ZBTB20: variants seen among roughly 807,000 people sequenced by gnomAD.
The protein encoded by ZBTB20 is zinc finger and BTB domain containing 20.
A neutral mutation model predicts 56.9 loss-of-function variants in ZBTB20; 9 were observed. The observed-to-expected ratio is 0.16, with a 90% CI of 0.10 to 0.28. The LOEUF (loss-of-function observed/expected upper bound fraction) is 0.28, where lower values mean the gene tolerates loss of function less well. Ranked by LOEUF, ZBTB20 falls within the 10% of genes least tolerant of loss-of-function variation. The probability of loss-of-function intolerance (pLI) is 1.00; values close to 1 mark genes in which losing one functional copy is unlikely to be tolerated. For synonymous variants in ZBTB20, 417 were observed against 420.7 expected, an observed-to-expected ratio of 0.99 and a Z score of 0.11; for missense variants, 655 against 1,003.0, an observed-to-expected ratio of 0.65 and a Z score of 4.69.
Position 114,844,330 on chromosome 3 carries a change from AATATATATATATAT to A in ZBTB20, c.-416-43170_-416-43157del, listed in dbSNP as rs71146341. Among the ~76,000 whole-genome samples, 501 of 99,250 alleles carry A rather than the reference AATATATATATATAT, an allele frequency of 5.0e-3. 9 individuals are homozygous for A. The highest frequency in any genetic ancestry group is 0.021 in the African/African-American group (358 of 16,756). 65.1% of individuals were successfully genotyped at this position (99,250 alleles called of 152,430 possible). A position where few individuals can be genotyped will look rare whatever the true frequency, so the allele number is the denominator to read the frequency against. On this transcript the variant is annotated intron_variant, in intron 4 of 11. Transcript: ENST00000675478. Reference sequence around the variant, plus strand: ...GTTGCATAAGAAAATTACTGGAGTAAATATATATATATATATATATATATATATATATATATATA... The same window carrying A: ...GTTGCATAAGAAAATTACTGGAGTAAATATATATATATATATATATATATA...
At chr3:114,964,340 G>A (rs1010675534) in intron 3 of ZBTB20, among the ~76,000 whole-genome samples, 4 of 152,090 alleles carry the variant, frequency 2.6e-5, no homozygotes, top group East Asian at 1.9e-4. Flanking sequence ...GCTTGAATCC[G>A]GGAGGCAGAA....
intron 7 of ZBTB20, among the ~76,000 whole-genome samples, chr3:114,390,483 C>T (rs572717382): frequency 6.6e-6 from 1 of 152,248 alleles, no homozygotes; most frequent in African/African-American, 2.4e-5. Context: ...CTGAGGACAC[C>T]GAATTACCCT....
At chr3:115,099,014 G>A (rs2083481207) in intron 1 of ZBTB20, among the ~76,000 whole-genome samples, 1 of 152,004 alleles carries the variant, frequency 6.6e-6, no homozygotes, top group South Asian at 2.1e-4. Flanking sequence ...GTTTTACTTT[G>A]ACAAATCTGA....
At chr3:114,544,050 G>A (rs1577418157) in intron 6 of ZBTB20, among the ~76,000 whole-genome samples, 4 of 152,276 alleles carry the variant, frequency 2.6e-5, no homozygotes, top group African/African-American at 9.6e-5. Flanking sequence ...GGTAGGCAGT[G>A]AACAACTCTG....
At chr3:115,062,310 T>A (rs892689413) in intron 2 of ZBTB20, among the ~76,000 whole-genome samples, 3 of 152,218 alleles carry the variant, frequency 2.0e-5, no homozygotes, top group African/African-American at 7.2e-5. Context: ...CCATACACTA[T>A]CAATGAAAAC....
chr3:114,711,330 T>C (rs547133094), intron 5 of ZBTB20, among the ~76,000 whole-genome samples: 2 of 152,372 alleles, frequency 1.3e-5, no homozygotes, highest in African/African-American at 4.8e-5. Context: ...ACTTGATAGC[T>C]ATTAAATGAC....
chr3:115,121,455 G>C (rs997551778), intron 1 of ZBTB20, among the ~76,000 whole-genome samples: 6 of 151,466 alleles, frequency 4.0e-5, no homozygotes, highest in African/African-American at 1.5e-4. Flanking sequence ...GTTATTCATT[G>C]ATACTCTAGC....
chr3:114,865,106 TA>T (rs1249704067), intron 4 of ZBTB20, among the ~76,000 whole-genome samples: 18 of 152,122 alleles, frequency 1.2e-4, no homozygotes, highest in African/African-American at 4.3e-4. Context: ...CCATCTATTA[TA>T]AATAGTGCTG....
chr3:114,872,324 C>A (rs1172968159), intron 4 of ZBTB20, among the ~76,000 whole-genome samples: 1 of 152,108 alleles, frequency 6.6e-6, no homozygotes, highest in Non-Finnish European at 1.5e-5. Flanking sequence ...ACAACTACGG[C>A]ACAGGTCTGA....
chr3:114,613,732 A>T (rs766230823), intron 6 of ZBTB20, among the ~76,000 whole-genome samples: 2 of 152,114 alleles, frequency 1.3e-5, no homozygotes, highest in Non-Finnish European at 2.9e-5. Context: ...TAGGACAAGC[A>T]AGGATTCCTA....
chr3:115,011,321 A>C lies in ZBTB20; in HGVS notation c.-506-36905T>G, dbSNP rs143217150. The stretch of plus-strand genomic sequence containing the variant: ...ACGAGAAGGTTATAGAATGCCAAGC[A>C]GATTTAACCCAAAGAAGACTACCTC... On this transcript the variant is annotated intron_variant, in intron 2 of 11. Transcript: ENST00000675478. Among the ~76,000 whole-genome samples, 625 of 152,026 alleles carry C rather than the reference A, an allele frequency of 4.1e-3. 3 individuals carry two copies. Among genetic ancestry groups the C allele is most frequent in the Non-Finnish European group, 7.3e-3 (497 of 67,892 alleles).
At chr3:114,773,859 CA>C (rs1339341903) in intron 5 of ZBTB20, among the ~76,000 whole-genome samples, 2 of 152,134 alleles carry the variant, frequency 1.3e-5, no homozygotes, top group Admixed American at 1.3e-4. Flanking sequence ...AAATTATCTT[CA>C]AAAACTATGA....
intron 4 of ZBTB20, among the ~76,000 whole-genome samples, chr3:114,839,772 G>A (rs2074305004): frequency 6.6e-6 from 1 of 152,196 alleles, no homozygotes. Flanking sequence ...GACAGAGAGA[G>A]CAGAAGGCCA....
At chr3:115,133,391 T>C (rs1336248783) in intron 1 of ZBTB20, among the ~76,000 whole-genome samples, 1 of 152,244 alleles carries the variant, frequency 6.6e-6, no homozygotes, top group Non-Finnish European at 1.5e-5. Context: ...TTAAAATTCA[T>C]ATAACATAAA....
intron 7 of ZBTB20, among the ~76,000 whole-genome samples, chr3:114,498,714 G>C (rs1180067097): frequency 6.6e-6 from 1 of 152,174 alleles, no homozygotes; most frequent in Admixed American, 6.5e-5. Flanking sequence ...TAAAAAATAG[G>C]ATATCTCTAG....
intron 5 of ZBTB20, among the ~76,000 whole-genome samples, chr3:114,786,247 C>T (rs1186731830): frequency 1.3e-5 from 2 of 151,986 alleles, no homozygotes; most frequent in Non-Finnish European, 2.9e-5. Context: ...CACCCATCAA[C>T]CTGTCATCTA....
intron 5 of ZBTB20, among the ~76,000 whole-genome samples, chr3:114,752,500 A>G (rs1490711888): frequency 6.6e-6 from 1 of 152,214 alleles, no homozygotes; most frequent in Admixed American, 6.5e-5. Flanking sequence ...TGCTCAAAAA[A>G]GTATCTGATG....
chr3:115,026,958 A>G (rs2080451280), intron 2 of ZBTB20, among the ~76,000 whole-genome samples: 2 of 150,890 alleles, frequency 1.3e-5, no homozygotes, highest in East Asian at 1.9e-4. Context: ...TTTGAATCTC[A>G]GTATTTTTGC....
chr3:114,396,396 A>G (rs952829441), intron 7 of ZBTB20, among the ~76,000 whole-genome samples: 1 of 152,142 alleles, frequency 6.6e-6, no homozygotes, highest in Non-Finnish European at 1.5e-5. Flanking sequence ...CATCACTTCA[A>G]TAGTAACTTT....
Sources: gnomAD v4.1 joint callset for allele counts (sites outside exome capture counted in the v4.1 genomes callset) on GRCh38, gnomAD v4.1.1 for gene constraint, MANE v1.5 for transcripts, NCBI Gene and HGNC (gene_info 2026-07-23, HGNC 2026-07-21) for gene names.